NAV1: variants seen among roughly 807,000 people sequenced by gnomAD.
NAV1 encodes the protein neuron navigator 1.
NAV1 carries 18 observed loss-of-function variants against 175.2 expected under a neutral mutation model. The observed-to-expected ratio is 0.10, with a 90% CI of 0.07 to 0.15. The LOEUF (loss-of-function observed/expected upper bound fraction) is 0.15, where lower values mean the gene tolerates loss of function less well. Ranked by LOEUF, NAV1 falls within the 10% of genes least tolerant of loss-of-function variation. NAV1 has a pLI of 1.00. For missense variants in NAV1, 1,731 were observed against 2,436.6 expected (o/e 0.71, Z 6.10); for synonymous variants, 897 against 978.7 (o/e 0.92, Z 1.56).
intron 1 of NAV1, among the ~76,000 whole-genome samples, chr1:201,561,876 C>T (rs1286047888): frequency 6.6e-6 from 1 of 152,208 alleles, no homozygotes; most frequent in Non-Finnish European, 1.5e-5. Context: ...GGCCCTTAGG[C>T]AGTAAGCTTG....
chr1:201,591,463 G>A (rs571684482), intron 2 of NAV1, among the ~76,000 whole-genome samples: 1 of 152,298 alleles, frequency 6.6e-6, no homozygotes, highest in South Asian at 2.1e-4. Context: ...AGTAGCCCCA[G>A]GTGCTCCCAG....
At chr1:201,635,198 C>G (rs549166052) in intron 2 of NAV1, among the ~76,000 whole-genome samples, 1 of 149,220 alleles carries the variant, frequency 6.7e-6, no homozygotes, top group Admixed American at 6.6e-5. Context: ...ACCACCACAC[C>G]TGGCTATCTT....
chr1:201,545,370 T>A (rs961970044), intron 1 of NAV1, among the ~76,000 whole-genome samples: 22 of 151,630 alleles, frequency 1.5e-4, no homozygotes, highest in South Asian at 8.3e-4. Context: ...CTTTTTTTTT[T>A]TAATTAATTT....
chr1:201,737,400 C>T (rs1673161165), intron 3 of NAV1: 1 of 152,158 alleles, frequency 6.6e-6, no homozygotes, highest in African/African-American at 2.4e-5. Context: ...GAATCAATCC[C>T]AAGAAGGAGG....
chr1:201,626,961 A>G (rs1326785586), intron 1 of NAV1, among the ~76,000 whole-genome samples: 3 of 152,252 alleles, frequency 2.0e-5, no homozygotes, highest in African/African-American at 7.2e-5. Context: ...GAAATTAGAG[A>G]TAAAGCCTGC....
exon 30 of NAV1, chr1:201,819,869 C>G: frequency 6.2e-7 from 1 of 1,614,084 alleles, no homozygotes; most frequent in Non-Finnish European, 8.5e-7. Flanking sequence ...AAGAAGCTGC[C>G]AACTACATTG....
At chr1:201,727,653 G>A (rs1282376710) in intron 3 of NAV1, among the ~76,000 whole-genome samples, 1 of 152,194 alleles carries the variant, frequency 6.6e-6, no homozygotes. Flanking sequence ...TTTGGCAGGT[G>A]CCCAGAAAGT....
At chr1:201,793,733 G>GTTA (rs1482822210) in intron 13 of NAV1, 59 bp from the exon 18 acceptor site, 1 of 1,464,758 alleles carries the variant, frequency 6.8e-7, no homozygotes, top group African/African-American at 1.4e-5. Context: ...CCCATTGTCA[G>GTTA]TTATTGCCTT....
At chr1:201,709,952 C>G (rs672696) in intron 1 of NAV1, among the ~76,000 whole-genome samples, 129,077 of 152,008 alleles carry the variant, frequency 0.85, 54,873 homozygotes, top group East Asian at 0.93. Context: ...GGTTTGGCGA[C>G]TCTGGGAGAC....
At chr1:201,713,452 C>T (rs1671997409) in intron 2 of NAV1, among the ~76,000 whole-genome samples, 1 of 152,222 alleles carries the variant, frequency 6.6e-6, no homozygotes, top group Admixed American at 6.5e-5. Flanking sequence ...CAGCTCCATG[C>T]CCTGTTAGGT....
At chr1:201,648,423 CCCCGGCTTCCCTGCTCTTTCCTTTTT>C in exon 1 of NAV1, 2 of 1,223,370 alleles carry the variant, frequency 1.6e-6, no homozygotes, top group South Asian at 8.5e-5. Flanking sequence ...CCCTATCGCT[CCCCGGCTTCCCTGCTCTTTCCTTTTT>C]CCCGGCTTCC....
chr1:201,826,233 A>T (rs1199036973), exon 30 of NAV1: 1 of 152,162 alleles, frequency 6.6e-6, no homozygotes. Flanking sequence ...TCACCTCCTC[A>T]GTCCCCAGAA....
At chr1:201,783,731 C>A (rs1676501006) in exon 7 of NAV1, 3 of 1,614,196 alleles carry the variant, frequency 1.9e-6, no homozygotes, top group Non-Finnish European at 2.5e-6. Context: ...AATGAGCCTC[C>A]CCAGTGCCTT....
chr1:201,725,762 G>A (rs1471516022), intron 3 of NAV1, among the ~76,000 whole-genome samples: 1 of 152,008 alleles, frequency 6.6e-6, no homozygotes, highest in East Asian at 1.9e-4. Flanking sequence ...TCAAGACTAG[G>A]CCTGGGCAAC....
intron 1 of NAV1, among the ~76,000 whole-genome samples, chr1:201,548,487 G>C (rs1665731180): frequency 6.6e-6 from 1 of 152,198 alleles, no homozygotes. Context: ...ATCCCAGCCA[G>C]GAGTTTGAGG....
chr1:201,723,222 T>C (rs1400257689), intron 3 of NAV1: 1 of 152,252 alleles, frequency 6.6e-6, no homozygotes, highest in African/African-American at 2.4e-5. Context: ...TAGCTATTTG[T>C]ACATCTTCTT....
At chr1:201,633,874 A>C (rs150696434) in intron 2 of NAV1, among the ~76,000 whole-genome samples, 46 of 152,250 alleles carry the variant, frequency 3.0e-4, no homozygotes, top group Non-Finnish European at 2.4e-4. Context: ...GTGGCTTGGG[A>C]GTGCGAGGGT....
At chr1:201,767,101 G>C (rs1199806037) in intron 3 of NAV1, among the ~76,000 whole-genome samples, 2 of 151,064 alleles carry the variant, frequency 1.3e-5, no homozygotes, top group Admixed American at 6.6e-5. Flanking sequence ...TTACAGGTGT[G>C]AGCCACCGCG....
intron 2 of NAV1, among the ~76,000 whole-genome samples, chr1:201,631,493 T>C (rs1348361317): frequency 6.6e-6 from 1 of 152,238 alleles, no homozygotes; most frequent in Non-Finnish European, 1.5e-5. Flanking sequence ...TGCTTGACAC[T>C]GGGGTAAAAG....
Sources: allele counts gnomAD v4.1 joint callset (sites outside exome capture counted in the v4.1 genomes callset), GRCh38; gene constraint gnomAD v4.1.1; transcripts MANE v1.5; gene names NCBI Gene and HGNC (gene_info 2026-07-23, HGNC 2026-07-21).